Variants in PCDHGA4 observed in about 807,000 individuals in gnomAD.
PCDHGA4 encodes protocadherin gamma-A4.
A neutral mutation model predicts 54.6 loss-of-function variants in PCDHGA4; 38 were observed. That is an observed-to-expected ratio of 0.70 (90% CI 0.54 to 0.91). The LOEUF is 0.91. PCDHGA4 is among the 40% of genes least tolerant of loss of function. PCDHGA4 has a pLI of 0.00. For missense variants in PCDHGA4, 1,298 were observed against 1,220.9 expected (o/e 1.06, Z -0.94); for synonymous variants, 511 against 512.9 (o/e 1.00, Z 0.05).
At position 141,491,070 on chromosome 5, in the gene PCDHGA4, G is replaced by T. The variant is rs1405880268; in HGVS notation, c.2515-3737G>T. On this transcript the variant is annotated intron_variant, in intron 1 of 3. Transcript: ENST00000571252. The surrounding 1 kb of genome is among the most constrained non-coding windows in gnomAD (Gnocchi z 6.9). ...ATGCGTGGCTCTCCTACTCACTGTTGCCACAGTCCACAGCCCCAGGACTGT... is the reference window on the plus strand; with the variant it reads ...ATGCGTGGCTCTCCTACTCACTGTTTCCACAGTCCACAGCCCCAGGACTGT... 6.2e-7 allele frequency: 1 copy of T among 1,614,162 alleles called. No homozygotes were observed. Among genetic ancestry groups the T allele is most frequent in the Non-Finnish European group, 8.5e-7 (1 of 1,180,038 alleles).
At chr5:141,417,874 C>G in intron 1 of PCDHGA4, 9 of 1,555,320 alleles carry the variant, frequency 5.8e-6, no homozygotes, top group Non-Finnish European at 7.8e-6. Context: ...GAGGGAGCTG[C>G]GCGCAGAGGC....
chr5:141,467,535 G>C (rs2099145685), intron 1 of PCDHGA4, among the ~76,000 whole-genome samples: 1 of 152,176 alleles, frequency 6.6e-6, no homozygotes, highest in South Asian at 2.1e-4. Flanking sequence ...GCTGAGATAT[G>C]GATCTGATTA....
At chr5:141,466,201 T>C (rs985163022) in intron 1 of PCDHGA4, among the ~76,000 whole-genome samples, 1 of 152,006 alleles carries the variant, frequency 6.6e-6, no homozygotes, top group African/African-American at 2.4e-5. Context: ...GACACAGCCT[T>C]GCTCTGTTAC....
In PCDHGA4 at chr5:141,356,117, G is replaced by A. The variant is rs1012623543; in HGVS notation, c.1010G>A (p.Gly337Asp). The A allele has an allele frequency of 1.2e-6, 2 of 1,613,752 alleles. No homozygotes were observed. The highest frequency in any genetic ancestry group is 1.7e-6 in the Non-Finnish European group (2 of 1,179,878). ...SLSGDITILGGLDYEDSGFYD... is the reference protein window; with the variant it reads ...SLSGDITILGDLDYEDSGFYD... The stretch of plus-strand genomic sequence containing the variant: ...AGTGGGGATATAACAATATTGGGGG[G>A]TCTAGATTATGAGGACTCTGGATTC... Residue 337 changes from glycine (G) to aspartate (D), a missense_variant, in exon 1 of 4, where the codon GGT (glycine) becomes GAT (aspartate). Physicochemically the swap from Gly to Asp is moderately conservative, Grantham distance 94. Transcript: ENST00000571252.
intron 1 of PCDHGA4, among the ~76,000 whole-genome samples, chr5:141,454,731 G>T (rs1249851832): frequency 6.7e-6 from 1 of 150,262 alleles, no homozygotes; most frequent in Non-Finnish European, 1.5e-5. Context: ...ATATGTTATA[G>T]GATGAAAAGA....
chr5:141,387,995 T>TCC (rs2091190111), intron 1 of PCDHGA4: 1 of 1,490,632 alleles, frequency 6.7e-7, no homozygotes, highest in Admixed American at 2.1e-5. Flanking sequence ...GCTACAGGAT[T>TCC]CCCGAGGAAA....
chr5:141,387,924 CTGCCAG>C (rs145222727), intron 1 of PCDHGA4: 128,031 of 1,478,756 alleles, frequency 0.087, 6,358 homozygotes, highest in Non-Finnish European at 0.099. Context: ...GGCTGAGAGG[CTGCCAG>C]TGCTCTTTCT....
chr5:141,410,103 A>G, intron 1 of PCDHGA4: 1 of 1,612,622 alleles, frequency 6.2e-7, no homozygotes, highest in South Asian at 1.1e-5. Flanking sequence ...GCCTTAGGCG[A>G]CAGGGACGCA....
rs944974638 is a variant in PCDHGA4, at chr5:141,393,886, A to C, written c.2514+36265A>C. 3.7e-6 allele frequency: 6 copies of C among 1,614,034 alleles called. No individual in the cohort carries two copies. In the East Asian group the frequency reaches 1.3e-4, roughly 36 times the overall value. On this transcript the variant is annotated intron_variant, in intron 1 of 3. Coordinates refer to ENST00000571252, the MANE Select transcript of PCDHGA4 (RefSeq NM_018917.4). ...ACGTCTTTGTTTAGCCCAGTGTTAG[A>C]AAATTCTCTTCCCGGGACAGTAATT...
At chr5:141,418,029 G>A (rs775326655) in intron 1 of PCDHGA4, 1 of 1,614,022 alleles carries the variant, frequency 6.2e-7, no homozygotes, top group Non-Finnish European at 8.5e-7. Context: ...CTAGGGCTTA[G>A]TGTCCTGGAT....
At chr5:141,373,805 G>T in intron 1 of PCDHGA4, 1 of 337,732 alleles carries the variant, frequency 3.0e-6, no homozygotes, top group Non-Finnish European at 5.3e-6. Context: ...TCCTCTGTGT[G>T]ATAGTTTCAC....
chr5:141,435,629 A>G (rs2097772414), intron 1 of PCDHGA4, among the ~76,000 whole-genome samples: 1 of 152,162 alleles, frequency 6.6e-6, no homozygotes, highest in Admixed American at 6.5e-5. Flanking sequence ...TAACTTTTAC[A>G]ACTATGGGAA....
intron 1 of PCDHGA4, chr5:141,420,309 A>G (rs1263620304): frequency 2.7e-6 from 4 of 1,460,536 alleles, no homozygotes; most frequent in Non-Finnish European, 3.7e-6. Context: ...TCCTTTTTAT[A>G]TTACAATATG....
chr5:141,418,848 G>T (rs770294020), intron 1 of PCDHGA4: 1 of 1,613,954 alleles, frequency 6.2e-7, no homozygotes, highest in Non-Finnish European at 8.5e-7. Flanking sequence ...CTCTCAACAC[G>T]GTGTAAAGTA....
rs1313971451 is a variant in PCDHGA4 at position 141,367,488 on chromosome 5, G to T, written c.2514+9867G>T. On this transcript the variant is annotated intron_variant, in intron 1 of 3. Transcript: ENST00000571252. ...GGAGGAGGAGCTTGCAGTAAGCCGAGATCGCGCCACTGCACTCCAGCCTGG... is the reference window on the plus strand; with the variant it reads ...GGAGGAGGAGCTTGCAGTAAGCCGATATCGCGCCACTGCACTCCAGCCTGG... 2.0e-5 allele frequency: 3 copies of T among 152,134 alleles called. No individual in the cohort carries two copies. In the East Asian group the frequency reaches 5.8e-4, roughly 29 times the overall value. The allele number at this position is 152,134 out of a possible 1,614,324, so 9.4% of individuals were successfully genotyped here.
intron 1 of PCDHGA4, chr5:141,366,519 G>T: frequency 6.2e-7 from 1 of 1,614,256 alleles, no homozygotes; most frequent in Non-Finnish European, 8.5e-7. Context: ...GCTGAAGGCA[G>T]CAGGTTGGCG....
chr5:141,433,255 A>G (rs2097579829), intron 1 of PCDHGA4: 2 of 1,401,470 alleles, frequency 1.4e-6, no homozygotes, highest in South Asian at 1.4e-5. Context: ...ATGCAGCGGT[A>G]CGATCATAGC....
At chr5:141,419,897 A>C in intron 1 of PCDHGA4, 1 of 1,613,960 alleles carries the variant, frequency 6.2e-7, no homozygotes, top group Non-Finnish European at 8.5e-7. Context: ...CGACCATCCC[A>C]CACCCTCTGA....
intron 1 of PCDHGA4, chr5:141,404,948 G>A (rs756928954): frequency 3.1e-6 from 5 of 1,613,838 alleles, no homozygotes; most frequent in African/African-American, 1.3e-5. Flanking sequence ...AGCCATAGCT[G>A]ACAGCATCCC....
Sources: gnomAD v4.1 joint callset for allele counts (sites outside exome capture counted in the v4.1 genomes callset) on GRCh38, gnomAD v4.1.1 for gene constraint, Gnocchi (gnomAD v3.1) non-coding constraint, MANE v1.5 for transcripts, NCBI Gene and HGNC (gene_info 2026-07-23, HGNC 2026-07-21) for gene names.